Variants in OR9Q1 observed in about 807,000 individuals in gnomAD.
OR9Q1 encodes olfactory receptor family 9 subfamily Q member 1, also known as olfactory receptor 9Q1.
For synonymous variants in OR9Q1, 153 were observed against 148.6 expected (o/e 1.03, Z -0.22); for missense variants, 374 against 378.8 (o/e 0.99, Z 0.11).
At chr11:58,165,371 T>C (rs1646034074) in intron 2 of OR9Q1, among the ~76,000 whole-genome samples, 1 of 152,218 alleles carries the variant, frequency 6.6e-6, no homozygotes, top group Non-Finnish European at 1.5e-5. Context: ...TCCTGTGGCT[T>C]CATGACTCCT....
chr11:58,060,619 G>C (rs888723441), intron 2 of OR9Q1, among the ~76,000 whole-genome samples: 1 of 152,250 alleles, frequency 6.6e-6, no homozygotes, highest in East Asian at 1.9e-4. Context: ...TATTTCAGGA[G>C]CTATGGTCAG....
intron 2 of OR9Q1, among the ~76,000 whole-genome samples, chr11:58,169,800 A>G (rs1313769633): frequency 6.6e-6 from 1 of 151,680 alleles, no homozygotes; most frequent in Non-Finnish European, 1.5e-5. Context: ...ATTTAGTATA[A>G]CTAATTTCCC....
At chr11:58,177,203 T>G (rs1427690942) in intron 2 of OR9Q1, among the ~76,000 whole-genome samples, 1 of 152,232 alleles carries the variant, frequency 6.6e-6, no homozygotes, top group Non-Finnish European at 1.5e-5. Flanking sequence ...TCTTCAGATA[T>G]TAATAGACTG....
chr11:58,029,027 G>T (rs1047875903), intron 1 of OR9Q1, among the ~76,000 whole-genome samples: 2 of 152,152 alleles, frequency 1.3e-5, no homozygotes, highest in Non-Finnish European at 2.9e-5. Context: ...TGAATAATTT[G>T]CCCAAGTTAC....
Position 58,065,256 on chromosome 11 carries a change from T to A in OR9Q1, c.-15+9309T>A, listed in dbSNP as rs76366610. Among the ~76,000 whole-genome samples the A allele has an allele frequency of 1.3e-3, 197 of 152,110 alleles. 1 individual carries two copies. The highest frequency in any genetic ancestry group is 5.6e-3 in the South Asian group (27 of 4,804). On this transcript the variant is annotated intron_variant, in intron 2 of 2. Transcript: ENST00000335397. ...TAAGGACACAGGTGACACAGACACA[T>A]AGAGAGACTGGTAGTCACATACACA...
rs550739944 is a variant in OR9Q1, at chr11:58,053,598, T to G, written c.-92-2272T>G. Among the ~76,000 whole-genome samples the G allele has an allele frequency of 2.1e-3, 230 of 110,850 alleles. 2 individuals carry two copies. Among genetic ancestry groups the G allele is most frequent in the African/African-American group, 8.5e-3 (220 of 25,942 alleles). 72.7% of individuals were successfully genotyped at this position (110,850 alleles called of 152,430 possible). A position where few individuals can be genotyped will look rare whatever the true frequency, so the allele number is the denominator to read the frequency against. On this transcript the variant is annotated intron_variant, in intron 1 of 2. Coordinates refer to ENST00000335397, the MANE Select transcript of OR9Q1 (RefSeq NM_001005212.4). ...ATGTACCCTAAAACTTAAAGTATAA[T>G]AATAAAATTAAAAAATATATATATA...
intron 2 of OR9Q1, among the ~76,000 whole-genome samples, chr11:58,130,689 G>A (rs906510931): frequency 3.3e-5 from 5 of 151,928 alleles, no homozygotes; most frequent in African/African-American, 1.2e-4. Context: ...AGGTGTGGTG[G>A]TACATGCCTG....
intron 2 of OR9Q1, among the ~76,000 whole-genome samples, chr11:58,159,990 G>A (rs189830444): frequency 3.2e-4 from 48 of 152,306 alleles, no homozygotes; most frequent in Non-Finnish European, 5.7e-4. Context: ...ATGATGCTCT[G>A]TGACTGCTGA....
chr11:58,157,442 C>T (rs536279694), intron 2 of OR9Q1, among the ~76,000 whole-genome samples: 2 of 152,068 alleles, frequency 1.3e-5, no homozygotes, highest in African/African-American at 2.4e-5. Context: ...GGATTGTAAA[C>T]GTCATGAGGG....
intron 2 of OR9Q1, among the ~76,000 whole-genome samples, chr11:58,079,163 G>T (rs1005871136): frequency 1.3e-5 from 2 of 152,108 alleles, no homozygotes; most frequent in African/African-American, 4.8e-5. Context: ...GAAGGCCCTA[G>T]AGACTACAGC....
intron 1 of OR9Q1, among the ~76,000 whole-genome samples, chr11:58,036,780 C>T (rs972271597): frequency 2.6e-5 from 4 of 152,194 alleles, no homozygotes; most frequent in African/African-American, 9.6e-5. Context: ...TTGCTGCAAT[C>T]TCATGACAAA....
At chr11:58,098,096 A>C (rs1590588473) in intron 2 of OR9Q1, among the ~76,000 whole-genome samples, 1 of 152,314 alleles carries the variant, frequency 6.6e-6, no homozygotes, top group African/African-American at 2.4e-5. Flanking sequence ...TAAAAAAACA[A>C]GTTGAACATT....
rs2119980381 is a variant in OR9Q1, at chr11:58,180,325, A to G, written c.881A>G (p.Lys294Arg). 1 of 1,606,812 alleles carries G rather than the reference A, an allele frequency of 6.2e-7. No individual in the cohort carries two copies. Among genetic ancestry groups the G allele is most frequent in the South Asian group, 1.1e-5 (1 of 90,392 alleles). The stretch of plus-strand genomic sequence containing the variant: ...CCCCTCATCTACAGCCTGAGGAACA[A>G]GGAAGTGAAGGAGGCCCTGAGAAAA... ...LNPLIYSLRN[K>R]EVKEALRKIL... Residue 294 changes from lysine (K) to arginine (R), a missense_variant, in exon 3 of 3, where the codon AAG (lysine) becomes AGG (arginine). Physicochemically the swap from Lys to Arg is conservative, Grantham distance 26. Transcript: ENST00000335397.
chr11:58,057,694 G>A (rs1392064605), intron 2 of OR9Q1: 1 of 152,118 alleles, frequency 6.6e-6, no homozygotes, highest in Non-Finnish European at 1.5e-5. Flanking sequence ...TGGATGGCAG[G>A]ACAGCTGTGT....
At chr11:58,164,419 C>A (rs556963548) in intron 2 of OR9Q1, among the ~76,000 whole-genome samples, 1 of 152,004 alleles carries the variant, frequency 6.6e-6, no homozygotes, top group East Asian at 1.9e-4. Flanking sequence ...GTTGCCCATG[C>A]GGTGCTCTTT....
At chr11:58,027,546 A>G (rs1034223610) in intron 1 of OR9Q1, among the ~76,000 whole-genome samples, 2 of 152,162 alleles carry the variant, frequency 1.3e-5, no homozygotes, top group Admixed American at 1.3e-4. Flanking sequence ...AGCTTAAACT[A>G]TTTAAATCTG....
At chr11:58,099,561 A>G (rs1853764482) in intron 2 of OR9Q1, among the ~76,000 whole-genome samples, 1 of 152,016 alleles carries the variant, frequency 6.6e-6, no homozygotes, top group African/African-American at 2.4e-5. Context: ...TGTGTGGCAT[A>G]TAATTTTCCG....
At chr11:58,080,504 C>G (rs1853577659) in intron 2 of OR9Q1, among the ~76,000 whole-genome samples, 1 of 152,056 alleles carries the variant, frequency 6.6e-6, no homozygotes, top group Non-Finnish European at 1.5e-5. Flanking sequence ...TGGGTAGATA[C>G]CTAATAGTGG....
intron 1 of OR9Q1, among the ~76,000 whole-genome samples, chr11:58,027,908 C>G (rs1852991359): frequency 6.6e-6 from 1 of 152,328 alleles, no homozygotes; most frequent in African/African-American, 2.4e-5. Context: ...GATCAGAGAG[C>G]TGAAAGTATT....
Sources: allele counts gnomAD v4.1 joint callset (sites outside exome capture counted in the v4.1 genomes callset), GRCh38; gene constraint gnomAD v4.1.1; transcripts MANE v1.5; gene names NCBI Gene and HGNC (gene_info 2026-07-23, HGNC 2026-07-21).